The following PAPPA2 variants were observed in gnomAD, a reference collection of about 807,000 sequenced individuals.
The protein encoded by PAPPA2 is pappalysin-2.
PAPPA2 carries 86 observed loss-of-function variants against 176.4 expected under a neutral mutation model. The observed-to-expected ratio is 0.49, with a 90% confidence interval of 0.41 to 0.58. The LOEUF (loss-of-function observed/expected upper bound fraction) is 0.58. PAPPA2 is among the 20% of genes least tolerant of loss of function. The pLI is 0.00. For missense variants in PAPPA2, 2,073 were observed against 2,256.9 expected, an observed-to-expected ratio of 0.92 and a Z score of 1.65; for synonymous variants, 809 against 852.2, an observed-to-expected ratio of 0.95 and a Z score of 0.88.
chr1:176,758,280 A>G (rs1663526728), intron 14 of PAPPA2, among the ~76,000 whole-genome samples: 1 of 152,216 alleles, frequency 6.6e-6, no homozygotes, highest in African/African-American at 2.4e-5. Flanking sequence ...AAGGAAATAT[A>G]TTTAACATTT....
intron 3 of PAPPA2, among the ~76,000 whole-genome samples, chr1:176,652,468 G>A (rs1339993018): frequency 6.6e-6 from 1 of 151,650 alleles, no homozygotes; most frequent in African/African-American, 2.4e-5. Context: ...ATATTGGAGA[G>A]GTCCTAAAGG....
chr1:176,643,626 A>G (rs1657223018), intron 3 of PAPPA2, among the ~76,000 whole-genome samples: 1 of 151,808 alleles, frequency 6.6e-6, no homozygotes, highest in Admixed American at 6.6e-5. Flanking sequence ...AAGGGAAAGG[A>G]GAAAAATGGA....
intron 3 of PAPPA2, among the ~76,000 whole-genome samples, chr1:176,609,539 A>G (rs1654793992): frequency 6.6e-6 from 1 of 152,232 alleles, no homozygotes; most frequent in Non-Finnish European, 1.5e-5. Context: ...TTGAGCATAT[A>G]TCTGAAGGAA....
At chr1:176,825,930 A>G (rs1166258255) in intron 21 of PAPPA2, among the ~76,000 whole-genome samples, 2 of 152,204 alleles carry the variant, frequency 1.3e-5, no homozygotes, top group Non-Finnish European at 2.9e-5. Flanking sequence ...CAAACAAACA[A>G]AAAAGACAAC....
chr1:176,800,566 T>C (rs1227184366), intron 21 of PAPPA2, among the ~76,000 whole-genome samples: 1 of 152,176 alleles, frequency 6.6e-6, no homozygotes, highest in East Asian at 1.9e-4. Context: ...CATATGTGCA[T>C]ATATAACATT....
intron 21 of PAPPA2, among the ~76,000 whole-genome samples, chr1:176,831,805 G>T (rs529196676): frequency 3.3e-5 from 5 of 152,270 alleles, no homozygotes; most frequent in African/African-American, 9.6e-5. Flanking sequence ...ATGGTTTGGG[G>T]TTTTTTTCAG....
At chr1:176,479,450 G>T (rs1479776455) in intron 1 of PAPPA2, among the ~76,000 whole-genome samples, 2 of 152,092 alleles carry the variant, frequency 1.3e-5, no homozygotes, top group African/African-American at 4.8e-5. Flanking sequence ...CAGACTCTCT[G>T]CTCACCAGGC....
intron 6 of PAPPA2, among the ~76,000 whole-genome samples, chr1:176,693,346 C>T (rs768188659): frequency 3.3e-5 from 5 of 152,326 alleles, no homozygotes; most frequent in Middle Eastern, 6.8e-3. Flanking sequence ...AATGGCAAAC[C>T]CAAGACCCCA....
At chr1:176,515,206 A>G (rs956075363) in intron 1 of PAPPA2, among the ~76,000 whole-genome samples, 3 of 152,196 alleles carry the variant, frequency 2.0e-5, no homozygotes, top group Non-Finnish European at 4.4e-5. Flanking sequence ...AAATATCATC[A>G]TTATCACTGG....
At chr1:176,494,250 ACAG>A (rs1407935813) in intron 1 of PAPPA2, among the ~76,000 whole-genome samples, 1 of 152,176 alleles carries the variant, frequency 6.6e-6, no homozygotes, top group Non-Finnish European at 1.5e-5. Context: ...AATCAAATCT[ACAG>A]CAGACAATGA....
chr1:176,582,460 T>C (rs1196405414), intron 2 of PAPPA2, among the ~76,000 whole-genome samples: 3 of 152,204 alleles, frequency 2.0e-5, no homozygotes, highest in Non-Finnish European at 2.9e-5. Context: ...CTTATGGCCT[T>C]TATTGTGTTA....
rs199765310 is a variant in PAPPA2 at position 176,695,811 on chromosome 1, C to A, written c.2698C>A (p.Arg900=). The A allele has an allele frequency of 1.2e-6, 2 of 1,614,048 alleles. No homozygotes were observed. The highest frequency in any genetic ancestry group is 8.5e-7 in the Non-Finnish European group (1 of 1,179,990). The change falls in exon 7 of 23, where the codon CGG becomes AGG. Residue 900 remains arginine, a synonymous_variant. Coordinates refer to ENST00000367662, the MANE Select transcript of PAPPA2 (RefSeq NM_020318.3). ...FRQYVHTASS[R]RVCDSSGYWT... is the part of the protein sequence containing the mutation. ...TCAGTATGTGCACACAGCTTCCTCC[C>A]GGCGGGTGTGTGACTCCTCAGGTTA...
chr1:176,548,961 A>G (rs1053392685), intron 1 of PAPPA2, among the ~76,000 whole-genome samples: 3 of 152,190 alleles, frequency 2.0e-5, no homozygotes, highest in Non-Finnish European at 2.9e-5. Context: ...GACTGTTGTG[A>G]GGATTGAATC....
intron 7 of PAPPA2, among the ~76,000 whole-genome samples, chr1:176,696,566 C>G (rs972738520): frequency 6.6e-6 from 1 of 152,126 alleles, no homozygotes; most frequent in African/African-American, 2.4e-5. Flanking sequence ...TATATTAATG[C>G]GCCTAAGACA....
intron 1 of PAPPA2, among the ~76,000 whole-genome samples, chr1:176,529,557 G>A (rs572268164): frequency 6.6e-6 from 1 of 152,248 alleles, no homozygotes; most frequent in African/African-American, 2.4e-5. Context: ...GAGGAGGGAA[G>A]GAGAGCACCT....
At chr1:176,669,860 G>A (rs1298656519) in intron 3 of PAPPA2, among the ~76,000 whole-genome samples, 1 of 152,150 alleles carries the variant, frequency 6.6e-6, no homozygotes, top group Non-Finnish European at 1.5e-5. Context: ...GGGTCATGCT[G>A]TCCTAACATG....
chr1:176,613,424 T>A (rs187740680), intron 3 of PAPPA2, among the ~76,000 whole-genome samples: 1 of 152,342 alleles, frequency 6.6e-6, no homozygotes, highest in Non-Finnish European at 1.5e-5. Context: ...AGTTGATTAT[T>A]GGATTAGATA....
chr1:176,842,569 A>G lies in PAPPA2; in HGVS notation c.*115A>G. The G allele has an allele frequency of 1.1e-6, 1 of 946,158 alleles. No individual in the cohort carries two copies. The highest frequency in any genetic ancestry group is 1.6e-6 in the Non-Finnish European group (1 of 613,060). The allele number at this position is 946,158 out of a possible 1,614,324, so 58.6% of individuals were successfully genotyped here. On this transcript the variant is annotated 3_prime_UTR_variant, in exon 23 of 23. Transcript: ENST00000367662. ...ACAATCATGAAATGGAAGAAGGAGG[A>G]AGAGCATGAAGGATCTTATAAGAAA...
chr1:176,507,954 A>G (rs1648379829), intron 1 of PAPPA2, among the ~76,000 whole-genome samples: 1 of 152,152 alleles, frequency 6.6e-6, no homozygotes, highest in Non-Finnish European at 1.5e-5. Context: ...CTACCAGAAT[A>G]AAAAAGTAAA....
Sources: allele counts gnomAD v4.1 joint callset (sites outside exome capture counted in the v4.1 genomes callset), GRCh38; gene constraint gnomAD v4.1.1; transcripts MANE v1.5; gene names NCBI Gene and HGNC (gene_info 2026-07-23, HGNC 2026-07-21).